The following GAS7 variants were observed in gnomAD, a reference collection of about 807,000 sequenced individuals.
The protein encoded by GAS7 is growth arrest specific 7.
GAS7 carries 28 observed loss-of-function variants against 71.1 expected under a neutral mutation model. That is an observed-to-expected ratio of 0.39 (90% CI 0.29 to 0.54). GAS7 has a LOEUF of 0.54. Ranked by LOEUF, GAS7 falls within the 20% of genes least tolerant of loss-of-function variation. The pLI, the probability that GAS7 is intolerant of heterozygous loss-of-function variation, is 0.62. For missense variants in GAS7, 436 were observed against 627.8 expected (o/e 0.69, Z 3.27); for synonymous variants, 258 against 245.8 (o/e 1.05, Z -0.46).
intron 1 of GAS7, among the ~76,000 whole-genome samples, chr17:10,024,111 G>A (rs1428484455): frequency 1.3e-5 from 2 of 152,092 alleles, no homozygotes; most frequent in African/African-American, 4.8e-5. Flanking sequence ...GTGACAGAGT[G>A]AGACTCTGTT....
intron 2 of GAS7, among the ~76,000 whole-genome samples, chr17:10,011,138 A>G (rs980505384): frequency 1.3e-5 from 2 of 152,226 alleles, no homozygotes; most frequent in African/African-American, 4.8e-5. Flanking sequence ...ACAGATGTTC[A>G]CCACAGCACT....
intron 1 of GAS7, among the ~76,000 whole-genome samples, chr17:10,185,302 G>A (rs1174176300): frequency 1.3e-5 from 2 of 152,150 alleles, no homozygotes; most frequent in Non-Finnish European, 2.9e-5. Flanking sequence ...TCCAGAGAGG[G>A]CATGGAAGCT....
chr17:9,962,267 C>CACACACAT (rs1555605517), intron 4 of GAS7, among the ~76,000 whole-genome samples: 1 of 142,720 alleles, frequency 7.0e-6, no homozygotes, highest in African/African-American at 3.0e-5. Flanking sequence ...CACACACACA[C>CACACACAT]GTGACACACA....
intron 2 of GAS7, among the ~76,000 whole-genome samples, chr17:9,999,752 T>C (rs940286854): frequency 1.1e-4 from 16 of 152,092 alleles, no homozygotes; most frequent in South Asian, 2.1e-4. Context: ...CTGTAAAACA[T>C]GTATAGAAAT....
chr17:10,094,443 C>T (rs1488655332), intron 1 of GAS7, among the ~76,000 whole-genome samples: 2 of 152,110 alleles, frequency 1.3e-5, no homozygotes, highest in Admixed American at 6.6e-5. Context: ...GCCATGGGAA[C>T]TCTCTGGATA....
rs1422303700 is a variant in GAS7 at position 9,914,113 on chromosome 17, CCT to C, written c.*3113_*3114del. The C allele has an allele frequency of 4.4e-6, 1 of 227,516 alleles. No homozygotes were observed. The highest frequency in any genetic ancestry group is 8.7e-6 in the Non-Finnish European group (1 of 114,586). The allele number at this position is 227,516 out of a possible 1,614,324, so 14.1% of individuals were successfully genotyped here. A position where few individuals can be genotyped will look rare whatever the true frequency, so the allele number is the denominator to read the frequency against. On this transcript the variant is annotated 3_prime_UTR_variant, in exon 14 of 14. Coordinates refer to ENST00000432992, the MANE Select transcript of GAS7 (RefSeq NM_201433.2). ...CCTTGATTTCAACCAGAAACGGGCCCCTGTTCATACGGATAGGGGTTCTGGAC... is the reference window on the plus strand; with the variant it reads ...CCTTGATTTCAACCAGAAACGGGCCCGTTCATACGGATAGGGGTTCTGGAC...
intron 1 of GAS7, among the ~76,000 whole-genome samples, chr17:10,058,970 G>A (rs989685519): frequency 1.4e-4 from 22 of 152,198 alleles, no homozygotes; most frequent in African/African-American, 5.1e-4. Flanking sequence ...CACGTCTCCG[G>A]CTTGCAAAAC....
At position 10,026,521 on chromosome 17, in the gene GAS7, C is replaced by T. The variant is rs1299307394; in HGVS notation, c.184-6624G>A. 2.0e-5 allele frequency among the ~76,000 whole-genome samples: 3 copies of T among 152,224 alleles called. No homozygotes were observed. Among genetic ancestry groups the T allele is most frequent in the African/African-American group, 7.2e-5 (3 of 41,456 alleles). The stretch of plus-strand genomic sequence containing the variant: ...CCCCAACCACGGAGGCAGCTGGACA[C>T]CCAGAAGCAGCCAGGGCATGGCTGG... On this transcript the variant is annotated intron_variant, in intron 1 of 13. Transcript: ENST00000432992. This position sits in a 1 kb window ranked among gnomAD's most constrained non-coding sequence, Gnocchi z 4.5.
chr17:9,950,158 T>C (rs764013151), intron 5 of GAS7, among the ~76,000 whole-genome samples: 5 of 151,896 alleles, frequency 3.3e-5, no homozygotes, highest in Middle Eastern at 3.2e-3. Flanking sequence ...GCCACTGTGC[T>C]GGGCCTCTTT....
At chr17:10,052,725 G>T (rs1423482072) in intron 1 of GAS7, among the ~76,000 whole-genome samples, 1 of 152,102 alleles carries the variant, frequency 6.6e-6, no homozygotes, top group Non-Finnish European at 1.5e-5. Flanking sequence ...GGGAGCTTGA[G>T]TTCAACTCTC....
intron 6 of GAS7, among the ~76,000 whole-genome samples, chr17:9,945,485 GC>G (rs1305743184): frequency 6.6e-6 from 1 of 151,996 alleles, no homozygotes; most frequent in Non-Finnish European, 1.5e-5. Flanking sequence ...CCAAAGATAA[GC>G]CCCTTTATAC....
At chr17:10,045,847 C>T (rs924400872) in intron 1 of GAS7, among the ~76,000 whole-genome samples, 1 of 152,222 alleles carries the variant, frequency 6.6e-6, no homozygotes, top group Admixed American at 6.5e-5. Flanking sequence ...TTCCATCCAT[C>T]ACTGTGTACC....
chr17:10,057,698 T>C (rs185380741), intron 1 of GAS7, among the ~76,000 whole-genome samples: 6,575 of 151,934 alleles, frequency 0.043, 500 homozygotes, highest in African/African-American at 0.15. Context: ...GGCCGCCCCT[T>C]CTGGGAAGTG....
chr17:9,962,320 A>G (rs960063241), intron 4 of GAS7, among the ~76,000 whole-genome samples: 1 of 152,148 alleles, frequency 6.6e-6, no homozygotes, highest in Admixed American at 6.5e-5. Context: ...AAGGAATGAC[A>G]TCTCATCACA....
chr17:10,076,696 A>T (rs1348054683), intron 1 of GAS7, among the ~76,000 whole-genome samples: 1 of 152,196 alleles, frequency 6.6e-6, no homozygotes, highest in Non-Finnish European at 1.5e-5. Flanking sequence ...CCAGATTGTT[A>T]TACTGATGAT....
intron 1 of GAS7, among the ~76,000 whole-genome samples, chr17:10,073,490 T>G (rs1049495833): frequency 1.3e-5 from 2 of 152,176 alleles, no homozygotes; most frequent in Non-Finnish European, 2.9e-5. Context: ...AATCTACACC[T>G]TGCTACTGAA....
intron 1 of GAS7, among the ~76,000 whole-genome samples, chr17:10,029,758 A>G (rs923407741): frequency 3.3e-5 from 5 of 152,136 alleles, no homozygotes; most frequent in South Asian, 2.1e-4. Context: ...AGGCTGAGAC[A>G]GGAGAATTGC....
chr17:10,183,408 G>A (rs1331965775), intron 1 of GAS7, among the ~76,000 whole-genome samples: 1 of 152,030 alleles, frequency 6.6e-6, no homozygotes, highest in Non-Finnish European at 1.5e-5. Context: ...CAGTTAACAG[G>A]CAGCTGTCAG....
At chr17:9,921,539 G>A (rs2067810487) in intron 11 of GAS7, among the ~76,000 whole-genome samples, 1 of 152,294 alleles carries the variant, frequency 6.6e-6, no homozygotes, top group South Asian at 2.1e-4. Flanking sequence ...ATTGCTTCAG[G>A]AACTTCCACA....
Sources: gnomAD v4.1 joint callset for allele counts (sites outside exome capture counted in the v4.1 genomes callset) on GRCh38, gnomAD v4.1.1 for gene constraint, Gnocchi (gnomAD v3.1) non-coding constraint, MANE v1.5 for transcripts, NCBI Gene and HGNC (gene_info 2026-07-23, HGNC 2026-07-21) for gene names.